IGBP1C: variants seen among roughly 807,000 people sequenced by gnomAD.
IGBP1C encodes IGBP1 family member C.
At chr17:58,684,026 C>G in the IGBP1C span, among the ~76,000 whole-genome samples, 3 of 152,096 alleles carry the variant, frequency 2.0e-5, no homozygotes, top group African/African-American at 7.2e-5. Context: ...GATGGTGCCA[C>G]TGCACTCCAG....
chr17:58,673,654 T>C, the IGBP1C span, among the ~76,000 whole-genome samples: 2 of 152,134 alleles, frequency 1.3e-5, no homozygotes, highest in Non-Finnish European at 2.9e-5. Flanking sequence ...CTCAACCTCT[T>C]GGGCTCAGGT....
At chr17:58,667,217 C>G in the IGBP1C span, among the ~76,000 whole-genome samples, 1 of 152,152 alleles carries the variant, frequency 6.6e-6, no homozygotes, top group Non-Finnish European at 1.5e-5. Flanking sequence ...ACAGGGCATG[C>G]TAGCAGGCTG....
At chr17:58,669,898 A>G in the IGBP1C span, among the ~76,000 whole-genome samples, 2 of 152,276 alleles carry the variant, frequency 1.3e-5, no homozygotes, top group East Asian at 3.9e-4. Flanking sequence ...AATACTCCTT[A>G]CTGCCCTCTG....
At chr17:58,679,642 G>GA in the IGBP1C span, 12 of 152,248 alleles carry the variant, frequency 7.9e-5, no homozygotes, top group Non-Finnish European at 1.5e-4. Context: ...ACCTCACCCT[G>GA]AAAAATCCAC....
At chr17:58,677,832 C>T in the IGBP1C span, 2 of 152,254 alleles carry the variant, frequency 1.3e-5, no homozygotes, top group Non-Finnish European at 2.9e-5. Flanking sequence ...CTGCTACTTA[C>T]AAGATAAAGA....
the IGBP1C span, among the ~76,000 whole-genome samples, chr17:58,673,224 T>C: frequency 3.5e-4 from 53 of 151,582 alleles, no homozygotes; most frequent in Admixed American, 1.3e-3. Context: ...CTTATGCCTG[T>C]ATTCCCAGCA....
the IGBP1C span, among the ~76,000 whole-genome samples, chr17:58,685,518 T>C: frequency 2.0e-5 from 3 of 150,458 alleles, no homozygotes; most frequent in African/African-American, 7.3e-5. Context: ...ATTATAGACA[T>C]ATGCAAACAC....
At chr17:58,679,162 A>G in the IGBP1C span, among the ~76,000 whole-genome samples, 18 of 152,266 alleles carry the variant, frequency 1.2e-4, no homozygotes, top group South Asian at 3.7e-3. Context: ...CTCCAAGAAA[A>G]GAAAAAAAAC....
At chr17:58,662,421 A>T in the IGBP1C span, among the ~76,000 whole-genome samples, 1,047 of 93,880 alleles carry the variant, frequency 0.011, 13 homozygotes, top group African/African-American at 0.027. Flanking sequence ...TATCTCACAC[A>T]CACACACACA....
At chr17:58,686,861 C>CTTTT in the IGBP1C span, among the ~76,000 whole-genome samples, 12 of 71,480 alleles carry the variant, frequency 1.7e-4, no homozygotes, top group Non-Finnish European at 3.0e-4. Flanking sequence ...GAAAGGTCAC[C>CTTTT]TTTTTTTTTT....
the IGBP1C span, among the ~76,000 whole-genome samples, chr17:58,676,394 C>CA: frequency 0.022 from 3,253 of 144,942 alleles, 37 homozygotes; most frequent in South Asian, 0.032. Context: ...ACCAAAAAAA[C>CA]AAAAAAAAAC....
At chr17:58,666,942 G>C in the IGBP1C span, among the ~76,000 whole-genome samples, 1 of 152,160 alleles carries the variant, frequency 6.6e-6, no homozygotes, top group Non-Finnish European at 1.5e-5. Flanking sequence ...AGGCCTGGCT[G>C]GTCAGAGAGC....
At chr17:58,661,025 C>A in the IGBP1C span, 1 of 1,150,318 alleles carries the variant, frequency 8.7e-7, no homozygotes, top group Non-Finnish European at 1.3e-6. Context: ...ATAATATTCA[C>A]GAACACGCTC....
the IGBP1C span, among the ~76,000 whole-genome samples, chr17:58,669,041 T>C: frequency 6.6e-6 from 1 of 152,230 alleles, no homozygotes; most frequent in East Asian, 1.9e-4. Context: ...TAGGGATACA[T>C]CTGTATTGTG....
the IGBP1C span, among the ~76,000 whole-genome samples, chr17:58,680,270 A>G: frequency 6.6e-6 from 1 of 152,182 alleles, no homozygotes; most frequent in Non-Finnish European, 1.5e-5. Flanking sequence ...GTTTGAAAAC[A>G]TGAAATTTGG....
At chr17:58,683,528 T>TGA in the IGBP1C span, among the ~76,000 whole-genome samples, 3 of 152,034 alleles carry the variant, frequency 2.0e-5, no homozygotes, top group Non-Finnish European at 2.9e-5. Context: ...TTTGGGAGGC[T>TGA]GAGGCAGGCG....
At chr17:58,684,542 G>A in the IGBP1C span, among the ~76,000 whole-genome samples, 1 of 151,620 alleles carries the variant, frequency 6.6e-6, no homozygotes, top group African/African-American at 2.4e-5. Context: ...GGCTGAGGCA[G>A]GAGAATCACT....
At chr17:58,671,655 C>G in the IGBP1C span, among the ~76,000 whole-genome samples, 9 of 152,272 alleles carry the variant, frequency 5.9e-5, no homozygotes, top group South Asian at 2.1e-4. Flanking sequence ...CAGGGTCCAT[C>G]CCTGCCTTTC....
the IGBP1C span, among the ~76,000 whole-genome samples, chr17:58,690,702 G>A: frequency 1.3e-5 from 2 of 152,192 alleles, no homozygotes; most frequent in African/African-American, 4.8e-5. Context: ...AATGGGTTGA[G>A]TGGCCAACCA....
Sources: gnomAD v4.1 joint callset for allele counts (sites outside exome capture counted in the v4.1 genomes callset) on GRCh38, gnomAD v4.1.1 for gene constraint, MANE v1.5 for transcripts, NCBI Gene and HGNC (gene_info 2026-07-23, HGNC 2026-07-21) for gene names.